The following EYA3 variants were observed in gnomAD, a reference collection of about 807,000 sequenced individuals.
The protein encoded by EYA3 is EYA transcriptional coactivator and phosphatase 3, also known as protein phosphatase EYA3.
EYA3 carries 39 observed loss-of-function variants against 80.0 expected under a neutral mutation model. That is an observed-to-expected ratio of 0.49 (90% CI 0.38 to 0.64). EYA3 has a LOEUF of 0.64. EYA3 is among the 30% of genes least tolerant of loss of function. The pLI, the probability that EYA3 is intolerant of heterozygous loss-of-function variation, is 0.00. For synonymous variants in EYA3, 206 were observed against 232.8 expected (o/e 0.88, Z 1.05); for missense variants, 523 against 676.1 (o/e 0.77, Z 2.51).
intron 1 of EYA3, among the ~76,000 whole-genome samples, chr1:28,073,127 A>ATATATATATATATATATATATATTTTTT (rs1553157671): frequency 6.7e-5 from 1 of 14,994 alleles, no homozygotes. Context: ...ATATATATAT[A>ATATATATATATATATATATATATTTTTT]TTTTTTTTTT....
At chr1:27,996,798 G>T (rs1372763965) in intron 13 of EYA3, among the ~76,000 whole-genome samples, 1 of 152,152 alleles carries the variant, frequency 6.6e-6, no homozygotes, top group African/African-American at 2.4e-5. Flanking sequence ...CTTAGCTAAG[G>T]CTAGTGGGCC....
chr1:28,082,688 T>C (rs1233941425), intron 1 of EYA3, among the ~76,000 whole-genome samples: 2 of 152,156 alleles, frequency 1.3e-5, no homozygotes, highest in South Asian at 2.1e-4. Flanking sequence ...TATTTCAAAG[T>C]TGTTAAATTC....
rs1391115438 is a variant in EYA3 at position 27,973,547 on chromosome 1, C to T, written c.*919G>A. 6.6e-6 allele frequency: 1 copy of T among 152,066 alleles called. No individual in the cohort carries two copies. The highest frequency in any genetic ancestry group is 2.4e-5 in the African/African-American group (1 of 41,406). The allele number at this position is 152,066 out of a possible 1,614,324, so 9.4% of individuals were successfully genotyped here. A position where few individuals can be genotyped will look rare whatever the true frequency, so the allele number is the denominator to read the frequency against. ...TTTGGAAGCTAAGCCTCCTGTGATA[C>T]AGTCTGAATGACAGTCAAGCTGAAG... On this transcript the variant is annotated 3_prime_UTR_variant, in exon 18 of 18. Transcript: ENST00000373871.
At chr1:28,029,499 G>A (rs1015554898) in intron 6 of EYA3, among the ~76,000 whole-genome samples, 1 of 151,998 alleles carries the variant, frequency 6.6e-6, no homozygotes, top group African/African-American at 2.4e-5. Flanking sequence ...CTGCATGAGA[G>A]TCCAAGGATA....
At chr1:28,053,580 A>G (rs562503260) in intron 2 of EYA3, among the ~76,000 whole-genome samples, 1 of 152,332 alleles carries the variant, frequency 6.6e-6, no homozygotes, top group South Asian at 2.1e-4. Context: ...AAAAAAGAAG[A>G]TACAACTACC....
At chr1:27,977,294 A>G in intron 17 of EYA3, 1 of 1,549,912 alleles carries the variant, frequency 6.5e-7, no homozygotes, top group Non-Finnish European at 8.7e-7. Context: ...ATAGTTTATT[A>G]TAGTTGCTAA....
At chr1:28,038,454 A>C (rs1052791363) in intron 5 of EYA3, among the ~76,000 whole-genome samples, 1 of 150,900 alleles carries the variant, frequency 6.6e-6, no homozygotes, top group Non-Finnish European at 1.5e-5. Flanking sequence ...AAAAAAAAAA[A>C]AAAAAAAAAA....
intron 5 of EYA3, 40 bp downstream of exon 5, chr1:28,038,799 G>T (rs758142430): frequency 1.6e-5 from 20 of 1,229,164 alleles, no homozygotes; most frequent in Non-Finnish European, 2.3e-5. Context: ...TGAATCTACA[G>T]AAAAAGCATA....
intron 13 of EYA3, among the ~76,000 whole-genome samples, chr1:27,995,179 G>C (rs1370136255): frequency 6.7e-6 from 1 of 150,330 alleles, no homozygotes; most frequent in Non-Finnish European, 1.5e-5. Context: ...CCAATGAGGG[G>C]GGATCACTTG....
chr1:28,050,481 C>A (rs1363939928), intron 2 of EYA3, among the ~76,000 whole-genome samples: 2 of 151,938 alleles, frequency 1.3e-5, no homozygotes, highest in Non-Finnish European at 1.5e-5. Flanking sequence ...GGATTACAGG[C>A]GTGAGCCACT....
rs1302463235 is a variant in EYA3, at chr1:28,084,696, C to A, written c.-69+3828G>T. Among the ~76,000 whole-genome samples, 15 of 144,744 alleles carry A rather than the reference C, an allele frequency of 1.0e-4. No individual in the cohort carries two copies. In the Admixed American group the frequency reaches 1.1e-3, roughly 10 times the overall value. 95.0% of individuals were successfully genotyped at this position (144,744 alleles called of 152,430 possible). A position where few individuals can be genotyped will look rare whatever the true frequency, so the allele number is the denominator to read the frequency against. On this transcript the variant is annotated intron_variant, in intron 1 of 17. Coordinates refer to ENST00000373871, the MANE Select transcript of EYA3 (RefSeq NM_001990.4). Reference sequence around the variant, plus strand: ...CGATCTCAGCTCACTGCAACCTCCGCCTCCCTGGTTCAAGCAATTCTCCTG... The same window carrying A: ...CGATCTCAGCTCACTGCAACCTCCGACTCCCTGGTTCAAGCAATTCTCCTG...
chr1:28,084,899 T>C (rs1257665161), intron 1 of EYA3, among the ~76,000 whole-genome samples: 1 of 151,948 alleles, frequency 6.6e-6, no homozygotes, highest in Non-Finnish European at 1.5e-5. Flanking sequence ...TATTTTAAAA[T>C]ACACATTTCT....
intron 7 of EYA3, among the ~76,000 whole-genome samples, chr1:28,026,841 G>C (rs1224831431): frequency 6.6e-6 from 1 of 151,914 alleles, no homozygotes; most frequent in Non-Finnish European, 1.5e-5. Context: ...CTCAGAGTAA[G>C]GTCTCAGAAC....
intron 6 of EYA3, chr1:28,032,145 T>C (rs1311610518): frequency 1.3e-5 from 2 of 152,212 alleles, no homozygotes; most frequent in Non-Finnish European, 2.9e-5. Context: ...GTCTCCCAAG[T>C]AGCTGGAACT....
At position 28,035,563 on chromosome 1, in the gene EYA3, C is replaced by T. The variant is rs773136502; in HGVS notation, c.342G>A (p.Thr114=). 5.3e-5 allele frequency: 85 copies of T among 1,613,962 alleles called. No homozygotes were observed. The highest frequency in any genetic ancestry group is 6.6e-5 in the Non-Finnish European group (78 of 1,179,962). The change falls in exon 6 of 18, where the codon ACG becomes ACA. Residue 114 remains threonine, a synonymous_variant. Coordinates refer to ENST00000373871, the MANE Select transcript of EYA3 (RefSeq NM_001990.4). ...PYAVYPQATQ[T]YGLPPFGALW... ...CCTTACCAAAAGGAGGTAGTCCATACGTTTGGGTTGCCTGAGGGTAGACAG... is the reference window on the plus strand; with the variant it reads ...CCTTACCAAAAGGAGGTAGTCCATATGTTTGGGTTGCCTGAGGGTAGACAG...
rs1369582216 is a variant in EYA3, at chr1:28,084,579, ATATATATATATATATATTTTTTTTTTTT to A, written c.-69+3917_-69+3944del. Among the ~76,000 whole-genome samples the A allele has an allele frequency of 8.8e-3, 115 of 12,996 alleles. 1 individual carries two copies. The highest frequency in any genetic ancestry group is 0.034 in the African/African-American group (109 of 3,216). 8.5% of individuals were successfully genotyped at this position (12,996 alleles called of 152,430 possible). ...AAAATATATATATATATATATATAT[ATATATATATATATATATTTTTTTTTTTT>A]TTTTTTTTTTTTTTTTTTTTGAGAT... On this transcript the variant is annotated intron_variant, in intron 1 of 17. Transcript: ENST00000373871.
In EYA3 at chr1:28,027,783, A is replaced by G; in HGVS notation, c.499+6T>C. On this transcript the variant is annotated splice_donor_region_variant and intron_variant, in intron 7 of 17. Coordinates refer to ENST00000373871, the MANE Select transcript of EYA3 (RefSeq NM_001990.4). ...TTAAAACACACACACAACCATGCCT[A>G]TTTACCTTGAATGGGATAAGAATAA... 6.2e-7 allele frequency: 1 copy of G among 1,614,002 alleles called. No homozygotes were observed. The highest frequency in any genetic ancestry group is 8.5e-7 in the Non-Finnish European group (1 of 1,179,910).
Position 28,003,275 on chromosome 1 carries a change from AC to A in EYA3, c.993+1060del, listed in dbSNP as rs1258634325. Among the ~76,000 whole-genome samples the A allele has an allele frequency of 5.6e-3, 374 of 67,154 alleles. 1 individual carries two copies. Among genetic ancestry groups the A allele is most frequent in the African/African-American group, 0.022 (343 of 15,690 alleles). The allele number at this position is 67,154 out of a possible 152,430, so 44.1% of individuals were successfully genotyped here. A position where few individuals can be genotyped will look rare whatever the true frequency, so the allele number is the denominator to read the frequency against. On this transcript the variant is annotated intron_variant, in intron 11 of 17. Transcript: ENST00000373871. ...ACACAGCGAGACTCCGTCTCAAACA[AC>A]AACAACAACAACAACAACAACAACA...
intron 5 of EYA3, among the ~76,000 whole-genome samples, chr1:28,037,947 T>C (rs559151789): frequency 3.3e-5 from 5 of 152,338 alleles, no homozygotes; most frequent in South Asian, 2.1e-4. Context: ...TTTGTATGCA[T>C]AGGTCCACTC....
Sources: gnomAD v4.1 joint callset for allele counts (sites outside exome capture counted in the v4.1 genomes callset) on GRCh38, gnomAD v4.1.1 for gene constraint, MANE v1.5 for transcripts, NCBI Gene and HGNC (gene_info 2026-07-23, HGNC 2026-07-21) for gene names.